GLDC: variants seen among roughly 807,000 people sequenced by gnomAD.
GLDC encodes the protein glycine decarboxylase, also known as glycine dehydrogenase (decarboxylating), mitochondrial.
GLDC carries 104 observed loss-of-function variants against 121.3 expected under a neutral mutation model. That is an observed-to-expected ratio of 0.86 (90% CI 0.73 to 1.01). The LOEUF (loss-of-function observed/expected upper bound fraction) is 1.01. Among genes scored for constraint, GLDC ranks in the 50% least tolerant of loss-of-function variants. The probability of loss-of-function intolerance (pLI) is 0.00; values close to 1 mark genes in which losing one functional copy is unlikely to be tolerated. For missense variants in GLDC, 1,429 were observed against 1,306.6 expected (o/e 1.09, Z -1.44); for synonymous variants, 546 against 480.6 (o/e 1.14, Z -1.78).
rs530853791 is a variant in GLDC at position 6,553,142 on chromosome 9, C to T, written c.2457+226G>A. On this transcript the variant is annotated intron_variant, in intron 20 of 24. Coordinates refer to ENST00000321612, the MANE Select transcript of GLDC (RefSeq NM_000170.3). Reference sequence around the variant, plus strand: ...TTCAGTTTCTCTGATGTTAAACCCACTCTGAGAACCCAAAAGAAGTAGTGT... The same window carrying T: ...TTCAGTTTCTCTGATGTTAAACCCATTCTGAGAACCCAAAAGAAGTAGTGT... Among the ~76,000 whole-genome samples the T allele has an allele frequency of 3.3e-5, 5 of 152,268 alleles. 1 individual carries two copies. The highest frequency in any genetic ancestry group is 3.3e-4 in the Admixed American group (5 of 15,298).
At chr9:6,624,965 G>A (rs1819201064) in intron 2 of GLDC, among the ~76,000 whole-genome samples, 1 of 150,564 alleles carries the variant, frequency 6.6e-6, no homozygotes, top group Non-Finnish European at 1.5e-5. Flanking sequence ...TCCAACCGGG[G>A]CAACAGAGCG....
chr9:6,627,797 C>T (rs931858793), intron 2 of GLDC, among the ~76,000 whole-genome samples: 4 of 152,134 alleles, frequency 2.6e-5, no homozygotes, highest in African/African-American at 9.7e-5. Context: ...CTTCCACACC[C>T]ACATATAATA....
chr9:6,630,763 A>G (rs2129984465), intron 2 of GLDC, among the ~76,000 whole-genome samples: 1 of 152,262 alleles, frequency 6.6e-6, no homozygotes, highest in South Asian at 2.1e-4. Flanking sequence ...GGACTTTCTC[A>G]TCTTTCTGAA....
Position 6,545,344 on chromosome 9 carries a change from A to C in GLDC, c.2570-5198T>G, listed in dbSNP as rs140638951. 2.1e-3 allele frequency among the ~76,000 whole-genome samples: 319 copies of C among 152,332 alleles called. 2 individuals are homozygous for C. Among genetic ancestry groups the C allele is most frequent in the South Asian group, 4.6e-3 (22 of 4,828 alleles). On this transcript the variant is annotated intron_variant, in intron 21 of 24. Transcript: ENST00000321612. ...TCCTACTGTACTGAATACTGTAGGC[A>C]ATTGTAACACAATGGTCCGAATCTG...
At chr9:6,609,229 TC>T (rs1818801240) in intron 4 of GLDC, among the ~76,000 whole-genome samples, 1 of 152,172 alleles carries the variant, frequency 6.6e-6, no homozygotes, top group Non-Finnish European at 1.5e-5. Flanking sequence ...TAAGTCCACT[TC>T]CAGAAATGGC....
intron 15 of GLDC, among the ~76,000 whole-genome samples, chr9:6,585,282 C>T (rs1818246725): frequency 6.6e-6 from 1 of 152,202 alleles, no homozygotes; most frequent in Non-Finnish European, 1.5e-5. Flanking sequence ...TGAAAAATCA[C>T]TCTCCAATAT....
At chr9:6,574,299 C>T (rs942302986) in intron 15 of GLDC, among the ~76,000 whole-genome samples, 27 of 152,126 alleles carry the variant, frequency 1.8e-4, no homozygotes, top group African/African-American at 6.5e-4. Context: ...GAAACCCCAT[C>T]TCTACTAAAA....
chr9:6,547,318 G>A (rs1046526953), intron 21 of GLDC, among the ~76,000 whole-genome samples: 17 of 152,168 alleles, frequency 1.1e-4, no homozygotes, highest in African/African-American at 4.1e-4. Context: ...CAGAACAGAT[G>A]GGGGAACACA....
chr9:6,625,720 A>T (rs952831416), intron 2 of GLDC, among the ~76,000 whole-genome samples: 2 of 151,942 alleles, frequency 1.3e-5, no homozygotes, highest in Admixed American at 1.3e-4. Context: ...TCTCTTTACT[A>T]TGGTTTTATT....
chr9:6,574,987 T>C (rs545659871), intron 15 of GLDC, among the ~76,000 whole-genome samples: 3 of 152,088 alleles, frequency 2.0e-5, no homozygotes, highest in Admixed American at 6.6e-5. Flanking sequence ...CCAGGCCAAA[T>C]TGCTCTCCAA....
At chr9:6,571,189 A>C (rs1293070413) in intron 15 of GLDC, among the ~76,000 whole-genome samples, 1 of 152,102 alleles carries the variant, frequency 6.6e-6, no homozygotes, top group Non-Finnish European at 1.5e-5. Flanking sequence ...AAAAGAAAGA[A>C]ACTGGCACAA....
At chr9:6,545,732 C>G (rs1272059489) in intron 21 of GLDC, among the ~76,000 whole-genome samples, 1 of 152,098 alleles carries the variant, frequency 6.6e-6, no homozygotes, top group Non-Finnish European at 1.5e-5. Flanking sequence ...CCTCCTATTC[C>G]TGGGTTCAAG....
intron 16 of GLDC, among the ~76,000 whole-genome samples, chr9:6,559,343 C>T (rs754520945): frequency 1.9e-4 from 28 of 149,438 alleles, no homozygotes; most frequent in Non-Finnish European, 2.5e-4. Flanking sequence ...GGTGAAACCC[C>T]GTCTCTAGTA....
chr9:6,558,426 T>G, intron 17 of GLDC, 133 bp downstream of exon 17: 1 of 1,032,830 alleles, frequency 9.7e-7, no homozygotes. Context: ...TAGAGTAGAC[T>G]CTGGTCAAAG....
At chr9:6,556,387 T>G (rs1323201802) in intron 17 of GLDC, 85 bp from the exon 18 acceptor site, 2 of 1,064,114 alleles carry the variant, frequency 1.9e-6, no homozygotes, top group African/African-American at 3.1e-5. Flanking sequence ...TTTTAAAGGA[T>G]GAAGAAAGAT....
intron 21 of GLDC, 119 bp downstream of exon 21, chr9:6,550,684 T>A: frequency 1.3e-6 from 1 of 762,732 alleles, no homozygotes; most frequent in Non-Finnish European, 2.4e-6. Context: ...TCTACACTAT[T>A]TTCTGATATG....
Position 6,582,168 on chromosome 9 carries a change from T to A in GLDC, c.1850+4973A>T, listed in dbSNP as rs150417824. ...AGGCGGAGGTTGCAGTGAGCCAAGA[T>A]TGCTCCACTGCACTCCAACTTGGGC... is the stretch of plus-strand genomic sequence containing the variant. On this transcript the variant is annotated intron_variant, in intron 15 of 24. Transcript: ENST00000321612. Among the ~76,000 whole-genome samples, 296 of 136,784 alleles carry A rather than the reference T, an allele frequency of 2.2e-3. 8 individuals are homozygous for A. The East Asian group carries it at 0.057, about 26-fold the overall frequency. 89.7% of individuals were successfully genotyped at this position (136,784 alleles called of 152,430 possible).
intron 1 of GLDC, 30 bp from the exon 2 acceptor site, chr9:6,644,722 T>A (rs756204162): frequency 2.1e-5 from 31 of 1,480,312 alleles, no homozygotes; most frequent in Non-Finnish European, 2.8e-5. Context: ...CAGAGGAAAG[T>A]GCCTCTGAGT....
At chr9:6,645,157 GA>G in intron 1 of GLDC, 87 bp downstream of exon 1, 1 of 1,324,726 alleles carries the variant, frequency 7.5e-7, no homozygotes, top group Non-Finnish European at 1.0e-6. Flanking sequence ...GAGCGCAGCA[GA>G]GCTCAGGGTA....
Sources: allele counts gnomAD v4.1 joint callset (sites outside exome capture counted in the v4.1 genomes callset), GRCh38; gene constraint gnomAD v4.1.1; transcripts MANE v1.5; gene names NCBI Gene and HGNC (gene_info 2026-07-23, HGNC 2026-07-21).